Variants in AIG1 observed in about 807,000 individuals in gnomAD.
AIG1 encodes the protein androgen induced 1.
Under a neutral mutation model 31.4 loss-of-function variants are expected in AIG1, and 23 were observed. The observed-to-expected ratio is 0.73, with a 90% CI of 0.53 to 1.04. The LOEUF (loss-of-function observed/expected upper bound fraction) is 1.04. AIG1 is among the 50% of genes least tolerant of loss of function. AIG1 has a pLI of 0.00. For missense variants in AIG1, 274 were observed against 295.0 expected, an observed-to-expected ratio of 0.93 and a Z score of 0.52; for synonymous variants, 100 against 110.5, an observed-to-expected ratio of 0.90 and a Z score of 0.60.
chr6:143,170,405 T>C (rs1787383456), intron 3 of AIG1, among the ~76,000 whole-genome samples: 1 of 152,108 alleles, frequency 6.6e-6, no homozygotes, highest in Non-Finnish European at 1.5e-5. Flanking sequence ...TTATGATCCT[T>C]TGTATTTCTT....
At chr6:143,336,770 T>G (rs1777524385) in intron 5 of AIG1, among the ~76,000 whole-genome samples, 1 of 152,202 alleles carries the variant, frequency 6.6e-6, no homozygotes, top group Non-Finnish European at 1.5e-5. Flanking sequence ...TGGGTATGCG[T>G]GACACTCAGG....
chr6:143,290,692 A>C (rs1025104467), intron 4 of AIG1, among the ~76,000 whole-genome samples: 4 of 151,958 alleles, frequency 2.6e-5, no homozygotes, highest in African/African-American at 9.7e-5. Flanking sequence ...TATTTTAGAG[A>C]GGCAGTTTTA....
At chr6:143,264,645 A>T (rs1336555445) in intron 3 of AIG1, among the ~76,000 whole-genome samples, 3 of 152,208 alleles carry the variant, frequency 2.0e-5, no homozygotes, top group Admixed American at 6.5e-5. Context: ...CCCAGTTGGA[A>T]ATTGGCACTG....
Position 143,312,909 on chromosome 6 carries a change from G to A in AIG1, c.516-20373G>A, listed in dbSNP as rs556328514. Among the ~76,000 whole-genome samples, 8 of 151,984 alleles carry A rather than the reference G, an allele frequency of 5.3e-5. No homozygotes were observed. The East Asian group carries it at 1.5e-3, about 29-fold the overall frequency. ...CAAAAATTGGCAAAAAATCTGAATA[G>A]ACCTCAAAAGAAGACATACAAATGG... On this transcript the variant is annotated intron_variant, in intron 4 of 5. Coordinates refer to ENST00000357847, the MANE Select transcript of AIG1 (RefSeq NM_016108.4).
chr6:143,324,948 T>C (rs918023121), intron 4 of AIG1, among the ~76,000 whole-genome samples: 6 of 152,184 alleles, frequency 3.9e-5, no homozygotes, highest in Non-Finnish European at 8.8e-5. Context: ...AATTTGGCCA[T>C]GTAGCAAAAA....
At chr6:143,150,789 A>G (rs1453669345) in intron 2 of AIG1, among the ~76,000 whole-genome samples, 2 of 152,202 alleles carry the variant, frequency 1.3e-5, no homozygotes, top group Non-Finnish European at 2.9e-5. Flanking sequence ...GGTTCCCTTC[A>G]CAGATCAGCG....
At position 143,172,394 on chromosome 6, in the gene AIG1, C is replaced by T. The variant is rs9399426; in HGVS notation, c.399+7211C>T. On this transcript the variant is annotated intron_variant, in intron 3 of 5. Coordinates refer to ENST00000357847, the MANE Select transcript of AIG1 (RefSeq NM_016108.4). ...TATTGACTTGCAAATGTTAAACCAT[C>T]CCTTCATCCCTGGTATAAATCCCAC... Among the ~76,000 whole-genome samples, 491 of 152,272 alleles carry T rather than the reference C, an allele frequency of 3.2e-3. 14 individuals are homozygous for T. The East Asian group carries it at 0.061, about 19-fold the overall frequency.
At position 143,242,498 on chromosome 6, in the gene AIG1, C is replaced by A. The variant is rs529590883; in HGVS notation, c.400-41612C>A. Among the ~76,000 whole-genome samples the A allele has an allele frequency of 4.6e-5, 7 of 152,238 alleles. No individual in the cohort carries two copies. The South Asian group carries it at 1.5e-3, about 32-fold the overall frequency. ...TCAGATGAAAAAGTTAATCAAAGTA[C>A]AAAGAGGTAAAATCACATGACCATA... On this transcript the variant is annotated intron_variant, in intron 3 of 5. Coordinates refer to ENST00000357847, the MANE Select transcript of AIG1 (RefSeq NM_016108.4).
In AIG1 at chr6:143,132,396, T is replaced by C. The variant is rs375613782; in HGVS notation, c.142-4439T>C. ...TCTCCATTATAAGACTTAAAAGATA[T>C]TGTTTCATTGTTTCTTGGCTTGGAT... On this transcript the variant is annotated intron_variant, in intron 1 of 5. Transcript: ENST00000357847. 7.2e-5 allele frequency among the ~76,000 whole-genome samples: 11 copies of C among 152,304 alleles called. No homozygotes were observed. The East Asian group carries it at 7.7e-4, about 11-fold the overall frequency.
At position 143,258,374 on chromosome 6, in the gene AIG1, G is replaced by A. The variant is rs1465409981; in HGVS notation, c.400-25736G>A. 1.3e-5 allele frequency among the ~76,000 whole-genome samples: 2 copies of A among 152,186 alleles called. No homozygotes were observed. Among genetic ancestry groups the A allele is most frequent in the African/African-American group, 4.8e-5 (2 of 41,452 alleles). On this transcript the variant is annotated intron_variant, in intron 3 of 5. Coordinates refer to ENST00000357847, the MANE Select transcript of AIG1 (RefSeq NM_016108.4). This position sits in a 1 kb window ranked among gnomAD's most constrained non-coding sequence, Gnocchi z 4.7. ...ATTCAAATCATCAGTAGAATTGTTT[G>A]TACTGATTCAGCAATGCTGATTGTA...
chr6:143,259,500 G>T (rs1418416694), intron 3 of AIG1, among the ~76,000 whole-genome samples: 1 of 152,048 alleles, frequency 6.6e-6, no homozygotes, highest in Non-Finnish European at 1.5e-5. Flanking sequence ...GTCCTTCAAG[G>T]TTTTTTCTTG....
chr6:143,270,053 C>T (rs1429172255), intron 3 of AIG1, among the ~76,000 whole-genome samples: 1 of 152,184 alleles, frequency 6.6e-6, no homozygotes, highest in Non-Finnish European at 1.5e-5. Flanking sequence ...AAAAATGTGA[C>T]ATCACGGATG....
intron 4 of AIG1, among the ~76,000 whole-genome samples, chr6:143,311,883 A>T (rs1775306720): frequency 6.6e-6 from 1 of 152,066 alleles, no homozygotes; most frequent in Non-Finnish European, 1.5e-5. Flanking sequence ...CAAAATCAAC[A>T]TACAAAAATC....
intron 3 of AIG1, among the ~76,000 whole-genome samples, chr6:143,194,257 G>A (rs1351650754): frequency 2.0e-5 from 3 of 152,206 alleles, no homozygotes; most frequent in Admixed American, 6.5e-5. Flanking sequence ...AGGTGAGAAA[G>A]AGCAAGCATG....
At chr6:143,170,908 A>G (rs1787444703) in intron 3 of AIG1, among the ~76,000 whole-genome samples, 1 of 152,062 alleles carries the variant, frequency 6.6e-6, no homozygotes, top group South Asian at 2.1e-4. Flanking sequence ...AAAAAGGAAG[A>G]AAAAGAAATA....
intron 3 of AIG1, among the ~76,000 whole-genome samples, chr6:143,260,806 G>A (rs1795720144): frequency 6.6e-6 from 1 of 152,126 alleles, no homozygotes; most frequent in Non-Finnish European, 1.5e-5. Flanking sequence ...TTCCAACCCA[G>A]GTGTAACTTC....
chr6:143,178,982 A>G (rs1788466259), intron 3 of AIG1, among the ~76,000 whole-genome samples: 1 of 152,158 alleles, frequency 6.6e-6, no homozygotes, highest in Non-Finnish European at 1.5e-5. Context: ...TAGGGCCCAT[A>G]TAGGAGCTCT....
intron 3 of AIG1, chr6:143,187,534 T>C: frequency 2.6e-6 from 4 of 1,534,246 alleles, no homozygotes; most frequent in South Asian, 1.2e-5. Context: ...TTTTTCACAC[T>C]GGGTAGGCCT....
Position 143,063,323 on chromosome 6 carries a change from G to A in AIG1, c.141+2257G>A, listed in dbSNP as rs143608964. On this transcript the variant is annotated intron_variant, in intron 1 of 5. Coordinates refer to ENST00000357847, the MANE Select transcript of AIG1 (RefSeq NM_016108.4). ...TTACTTTGCTTCATATTTAGCTTCA[G>A]ATTGTATAGGACCTTTAGCCAGCGT... 4.2e-3 allele frequency among the ~76,000 whole-genome samples: 634 copies of A among 152,336 alleles called. 2 individuals carry two copies. Among genetic ancestry groups the A allele is most frequent in the Admixed American group, 8.8e-3 (134 of 15,306 alleles).
Sources: allele counts gnomAD v4.1 joint callset (sites outside exome capture counted in the v4.1 genomes callset), GRCh38; gene constraint gnomAD v4.1.1; non-coding constraint Gnocchi (gnomAD v3.1); transcripts MANE v1.5; gene names NCBI Gene and HGNC (gene_info 2026-07-23, HGNC 2026-07-21).